METTL2A: variants seen among roughly 807,000 people sequenced by gnomAD.
METTL2A encodes the protein tRNA N(3)-cytidine methyltransferase METTL2A.
In METTL2A, 45 loss-of-function variants were observed where a neutral mutation model predicts 49.4. The ratio of observed to expected loss-of-function variants is 0.91; its 90% CI spans 0.72 to 1.17. The LOEUF is 1.17. Among genes scored for constraint, METTL2A ranks in the 50% most tolerant of loss-of-function variants. The probability of loss-of-function intolerance (pLI) is 0.00; values close to 1 mark genes in which losing one functional copy is unlikely to be tolerated. For synonymous variants in METTL2A, 118 were observed against 167.5 expected (o/e 0.70, Z 2.28); for missense variants, 361 against 462.2 (o/e 0.78, Z 2.01).
intron 5 of METTL2A, among the ~76,000 whole-genome samples, chr17:62,440,226 T>C (rs2070729745): frequency 6.6e-6 from 1 of 152,106 alleles, no homozygotes; most frequent in Non-Finnish European, 1.5e-5. Flanking sequence ...GGTTTCTCCA[T>C]GTTGGTCAGG....
intron 7 of METTL2A, 78 bp downstream of exon 7, chr17:62,445,021 T>C: frequency 7.9e-6 from 12 of 1,521,764 alleles, no homozygotes; most frequent in Non-Finnish European, 1.1e-5. Flanking sequence ...GAAATCATCA[T>C]TCTCAGCAAA....
Position 62,448,747 on chromosome 17 carries a change from C to T in METTL2A, c.*18C>T. 1 of 1,613,386 alleles carries T rather than the reference C, an allele frequency of 6.2e-7. No homozygotes were observed. Among genetic ancestry groups the T allele is most frequent in the Non-Finnish European group, 8.5e-7 (1 of 1,179,692 alleles). On this transcript the variant is annotated 3_prime_UTR_variant, in exon 9 of 9. Coordinates refer to ENST00000311506, the MANE Select transcript of METTL2A (RefSeq NM_181725.4). ...CCAGCTGAGAGGCACCTGCTGCCAACACGATGCAAGCCCATTGTGTTTCCG... is the reference window on the plus strand; with the variant it reads ...CCAGCTGAGAGGCACCTGCTGCCAATACGATGCAAGCCCATTGTGTTTCCG...
rs2070786999 is a variant in METTL2A at position 62,448,860 on chromosome 17, T to C, written c.*131T>C. On this transcript the variant is annotated 3_prime_UTR_variant, in exon 9 of 9. Coordinates refer to ENST00000311506, the MANE Select transcript of METTL2A (RefSeq NM_181725.4). Reference sequence around the variant, plus strand: ...AGGAGGCTGAGGCGGGGAGGATCCATTGAGCCCAGCAGTCCAACCTGGGCA... The same window carrying C: ...AGGAGGCTGAGGCGGGGAGGATCCACTGAGCCCAGCAGTCCAACCTGGGCA... 2.8e-6 allele frequency: 4 copies of C among 1,452,774 alleles called. No individual in the cohort carries two copies. Among genetic ancestry groups the C allele is most frequent in the South Asian group, 1.5e-5 (1 of 66,066 alleles). The allele number at this position is 1,452,774 out of a possible 1,614,324, so 90.0% of individuals were successfully genotyped here.
intron 6 of METTL2A, among the ~76,000 whole-genome samples, chr17:62,441,566 C>T (rs1343156115): frequency 6.6e-6 from 1 of 152,090 alleles, no homozygotes; most frequent in Non-Finnish European, 1.5e-5. Context: ...CCTGCCTCAA[C>T]CTCCCGAGTA....
Position 62,452,207 on chromosome 17 carries a change from G to T in METTL2A, c.*3478G>T, listed in dbSNP as rs1038299652. On this transcript the variant is annotated 3_prime_UTR_variant, in exon 9 of 9. Transcript: ENST00000311506. ...TATTGTGTAAACTCGAATTGGGTTT[G>T]TTGGTGTTTCTTCATGATTTGGTTC... Among the ~76,000 whole-genome samples, 1 of 152,202 alleles carries T rather than the reference G, an allele frequency of 6.6e-6. No homozygotes were observed. Among genetic ancestry groups the T allele is most frequent in the African/African-American group, 2.4e-5 (1 of 41,432 alleles).
At chr17:62,426,772 G>C in intron 3 of METTL2A, 118 bp downstream of exon 3, 1 of 684,538 alleles carries the variant, frequency 1.5e-6, no homozygotes, top group Non-Finnish European at 2.5e-6. Context: ...GACTAGACTT[G>C]ACCCTTATAT....
At chr17:62,440,498 G>GA in intron 5 of METTL2A, 119 bp from the exon 6 acceptor site, 2 of 1,395,340 alleles carry the variant, frequency 1.4e-6, no homozygotes, top group Non-Finnish European at 1.9e-6. Context: ...AAAGAAAAAA[G>GA]AAATATATCC....
chr17:62,432,116 C>G (rs2070670032), intron 4 of METTL2A, among the ~76,000 whole-genome samples: 1 of 152,158 alleles, frequency 6.6e-6, no homozygotes, highest in South Asian at 2.1e-4. Flanking sequence ...GCCCTATACC[C>G]ATTAGCAGTC....
chr17:62,427,672 A>C, intron 3 of METTL2A, 116 bp from the exon 4 acceptor site: 1 of 1,476,522 alleles, frequency 6.8e-7, no homozygotes, highest in Non-Finnish European at 9.1e-7. Flanking sequence ...TGGTCACTAC[A>C]CCTTCCCTAA....
chr17:62,430,803 C>T (rs976143162), intron 4 of METTL2A, among the ~76,000 whole-genome samples: 3 of 152,062 alleles, frequency 2.0e-5, no homozygotes, highest in Non-Finnish European at 2.9e-5. Flanking sequence ...CTCAGCCTCC[C>T]GAGTAGTTGG....
At chr17:62,443,048 A>G (rs2070747254) in intron 6 of METTL2A, among the ~76,000 whole-genome samples, 1 of 152,132 alleles carries the variant, frequency 6.6e-6, no homozygotes, top group Admixed American at 6.6e-5. Context: ...AGGATAACCC[A>G]AAAGGCCTAC....
intron 7 of METTL2A, among the ~76,000 whole-genome samples, chr17:62,445,711 C>T (rs1179826384): frequency 3.3e-5 from 5 of 151,630 alleles, no homozygotes; most frequent in South Asian, 2.1e-4. Flanking sequence ...GCAGGAGAAT[C>T]GCTTGAACCC....
At chr17:62,447,997 C>T (rs952772635) in intron 8 of METTL2A, among the ~76,000 whole-genome samples, 1 of 152,210 alleles carries the variant, frequency 6.6e-6, no homozygotes, top group Admixed American at 6.5e-5. Flanking sequence ...TCCTGCTCTG[C>T]TCTCCCTGTC....
intron 4 of METTL2A, among the ~76,000 whole-genome samples, chr17:62,431,865 C>T (rs778715160): frequency 2.0e-5 from 3 of 151,986 alleles, no homozygotes; most frequent in Non-Finnish European, 4.4e-5. Flanking sequence ...GGATTACAGG[C>T]GCCCGCCACC....
rs34417908 is a variant in METTL2A, at chr17:62,450,247, C to CTTTTTTTTTTTTTTTTTTTT, written c.*1528_*1547dup. ...TGTGATCATTATCAGTGTTAGATGCCTTTTTTTTTTTTTTTTTTTTTTTTT... is the reference window on the plus strand; with the variant it reads ...TGTGATCATTATCAGTGTTAGATGCCTTTTTTTTTTTTTTTTTTTTTTTTTTTTTTTTTTTTTTTTTTTTT... On this transcript the variant is annotated 3_prime_UTR_variant, in exon 9 of 9. Transcript: ENST00000311506. 2.5e-5 allele frequency: 2 copies of CTTTTTTTTTTTTTTTTTTTT among 80,540 alleles called. 1 individual carries two copies. Among genetic ancestry groups the CTTTTTTTTTTTTTTTTTTTT allele is most frequent in the African/African-American group, 1.3e-4 (2 of 15,966 alleles). The allele number at this position is 80,540 out of a possible 1,614,324, so 5.0% of individuals were successfully genotyped here.
chr17:62,448,132 G>A (rs1167798337), intron 8 of METTL2A, among the ~76,000 whole-genome samples: 1 of 152,156 alleles, frequency 6.6e-6, no homozygotes, highest in East Asian at 1.9e-4. Flanking sequence ...GGGTTCTAGG[G>A]GTGCTGGGAA....
intron 5 of METTL2A, among the ~76,000 whole-genome samples, chr17:62,438,036 G>C (rs2070712692): frequency 6.6e-6 from 1 of 151,766 alleles, no homozygotes; most frequent in Non-Finnish European, 1.5e-5. Context: ...GGGAGGCTGA[G>C]GTGGGCAGAT....
chr17:62,425,594 C>A (rs1292985272), intron 2 of METTL2A, among the ~76,000 whole-genome samples: 1 of 146,392 alleles, frequency 6.8e-6, no homozygotes, highest in East Asian at 2.2e-4. Context: ...ACCGTGCTGG[C>A]CAGGATGGTC....
rs1374392770 is a variant in METTL2A at position 62,449,522 on chromosome 17, C to G, written c.*793C>G. ...GGTCAGGAGTTGGAGACCAGCGTGG[C>G]CAACATGGTGAAACCCCGTCTCTAC... is the stretch of plus-strand genomic sequence containing the variant. On this transcript the variant is annotated 3_prime_UTR_variant, in exon 9 of 9. Transcript: ENST00000311506. 1 of 371,744 alleles carries G rather than the reference C, an allele frequency of 2.7e-6. No homozygotes were observed. The highest frequency in any genetic ancestry group is 5.1e-6 in the Non-Finnish European group (1 of 194,586). 23.0% of individuals were successfully genotyped at this position (371,744 alleles called of 1,614,324 possible).
Sources: gnomAD v4.1 joint callset for allele counts (sites outside exome capture counted in the v4.1 genomes callset) on GRCh38, gnomAD v4.1.1 for gene constraint, MANE v1.5 for transcripts, NCBI Gene and HGNC (gene_info 2026-07-23, HGNC 2026-07-21) for gene names.